Variants in SLC25A26 observed in about 807,000 individuals in gnomAD.
SLC25A26 encodes solute carrier family 25 member 26.
In SLC25A26, 36 loss-of-function variants were observed where a neutral mutation model predicts 37.8. That is an observed-to-expected ratio of 0.95 (90% CI 0.73 to 1.26). The LOEUF (loss-of-function observed/expected upper bound fraction) is 1.26, where lower values mean the gene tolerates loss of function less well. Among genes scored for constraint, SLC25A26 ranks in the 50% most tolerant of loss-of-function variants. The pLI, the probability that SLC25A26 is intolerant of heterozygous loss-of-function variation, is 0.00. For synonymous variants in SLC25A26, 129 were observed against 122.5 expected (o/e 1.05, Z -0.35); for missense variants, 390 against 331.1 (o/e 1.18, Z -1.38).
intron 6 of SLC25A26, among the ~76,000 whole-genome samples, chr3:66,352,749 C>T (rs1161190034): frequency 6.6e-6 from 1 of 151,778 alleles, no homozygotes; most frequent in Non-Finnish European, 1.5e-5. Context: ...AGCATTCATT[C>T]CAGCTCTTTC....
chr3:66,235,218 C>T (rs900672783), intron 1 of SLC25A26, among the ~76,000 whole-genome samples: 2 of 152,100 alleles, frequency 1.3e-5, no homozygotes, highest in Non-Finnish European at 2.9e-5. Flanking sequence ...TGATGCTCTT[C>T]GTGTTCATAT....
chr3:66,336,818 T>C (rs1236800869), intron 5 of SLC25A26, among the ~76,000 whole-genome samples: 2 of 152,286 alleles, frequency 1.3e-5, no homozygotes, highest in African/African-American at 2.4e-5. Flanking sequence ...GTGGAACATA[T>C]GTATATGTGT....
chr3:66,208,118 G>C (rs1041370688), intron 1 of SLC25A26, among the ~76,000 whole-genome samples: 1 of 152,062 alleles, frequency 6.6e-6, no homozygotes, highest in African/African-American at 2.4e-5. Context: ...TCACGTTTTG[G>C]AAACTTTTAT....
At chr3:66,305,125 A>G (rs1420424284) in intron 5 of SLC25A26, among the ~76,000 whole-genome samples, 9 of 152,144 alleles carry the variant, frequency 5.9e-5, no homozygotes, top group Non-Finnish European at 7.3e-5. Flanking sequence ...TCAAATAATA[A>G]TGTACACGCT....
At chr3:66,290,154 A>T (rs1337119869) in intron 5 of SLC25A26, among the ~76,000 whole-genome samples, 1 of 152,168 alleles carries the variant, frequency 6.6e-6, no homozygotes, top group Non-Finnish European at 1.5e-5. Flanking sequence ...TGATTTTTGC[A>T]CATTGGTTTT....
Position 66,188,353 on chromosome 3 carries a change from G to C in SLC25A26, c.-353-32389G>C, listed in dbSNP as rs2070870383. The stretch of plus-strand genomic sequence containing the variant: ...TTTTGAAATTTGATCCTCAGTGTTG[G>C]AGGTGGGGTCTAGTGTAGGTTGTTT... On this transcript the variant is annotated intron_variant, in intron 1 of 10. Coordinates refer to the SLC25A26 transcript ENST00000676754. Among the ~76,000 whole-genome samples, 7 of 152,278 alleles carry C rather than the reference G, an allele frequency of 4.6e-5. No individual in the cohort carries two copies. The South Asian group carries it at 1.5e-3, about 32-fold the overall frequency.
At chr3:66,222,972 C>G (rs1051125246) in intron 1 of SLC25A26, among the ~76,000 whole-genome samples, 8 of 152,114 alleles carry the variant, frequency 5.3e-5, no homozygotes, top group African/African-American at 1.7e-4. Flanking sequence ...AGATTTCATT[C>G]CAGGTAAAGG....
At chr3:66,216,231 A>C (rs2071359066), upstream of SLC25A26, among the ~76,000 whole-genome samples, 1 of 152,204 alleles carries the variant, frequency 6.6e-6, no homozygotes, top group South Asian at 2.1e-4. Flanking sequence ...AATAAAAATC[A>C]GTAACATGGA....
intron 5 of SLC25A26, among the ~76,000 whole-genome samples, chr3:66,287,156 C>T (rs2074541282): frequency 6.6e-6 from 1 of 151,988 alleles, no homozygotes; most frequent in African/African-American, 2.4e-5. Context: ...ATTAGCCAGG[C>T]GTGGTGGCAG....
At chr3:66,207,955 C>T (rs1000945815) in intron 1 of SLC25A26, among the ~76,000 whole-genome samples, 4 of 152,138 alleles carry the variant, frequency 2.6e-5, no homozygotes, top group African/African-American at 9.7e-5. Flanking sequence ...CCATTATACA[C>T]TAGAACAAAG....
chr3:66,323,572 G>A (rs1373625342), intron 5 of SLC25A26, among the ~76,000 whole-genome samples: 1 of 152,154 alleles, frequency 6.6e-6, no homozygotes, highest in Admixed American at 6.5e-5. Flanking sequence ...TTGAGAGGCC[G>A]AGGCAGGCGG....
At chr3:66,165,314 T>C (rs2070410856) in intron 1 of SLC25A26, among the ~76,000 whole-genome samples, 2 of 152,234 alleles carry the variant, frequency 1.3e-5, no homozygotes, top group African/African-American at 2.4e-5. Context: ...TGAGAAACTT[T>C]GAGCCTGAGC....
At chr3:66,166,269 G>C (rs2070424022) in intron 1 of SLC25A26, among the ~76,000 whole-genome samples, 1 of 152,168 alleles carries the variant, frequency 6.6e-6, no homozygotes, top group Non-Finnish European at 1.5e-5. Context: ...TCCCTTTATT[G>C]CTGTGTGCTA....
intron 1 of SLC25A26, among the ~76,000 whole-genome samples, chr3:66,135,348 C>G (rs948493042): frequency 9.9e-5 from 15 of 152,194 alleles, no homozygotes; most frequent in African/African-American, 3.1e-4. Flanking sequence ...ACGTTACATG[C>G]TCAAATCCTA....
chr3:66,300,208 C>T (rs960977620), intron 5 of SLC25A26, among the ~76,000 whole-genome samples: 5 of 150,168 alleles, frequency 3.3e-5, no homozygotes, highest in South Asian at 2.1e-4. Flanking sequence ...GCTTAAATCC[C>T]GTTACAGTGA....
At chr3:66,293,992 C>T (rs2074808173) in intron 5 of SLC25A26, among the ~76,000 whole-genome samples, 1 of 152,008 alleles carries the variant, frequency 6.6e-6, no homozygotes, top group Non-Finnish European at 1.5e-5. Context: ...ATTACCTTGG[C>T]TACCTGGGCT....
Position 66,242,756 on chromosome 3 carries a change from G to C in SLC25A26, c.191-447G>C, listed in dbSNP as rs117292349. On this transcript the variant is annotated intron_variant, in intron 2 of 9. Coordinates refer to ENST00000354883, the MANE Select transcript of SLC25A26 (RefSeq NM_001379210.1). ...TAAAAAATAGCCATGATTATTTTGA[G>C]TAACCAGTAATAAAACATTATAGAA... is the stretch of plus-strand genomic sequence containing the variant. Among the ~76,000 whole-genome samples, 364 of 152,236 alleles carry C rather than the reference G, an allele frequency of 2.4e-3. 19 individuals carry two copies. In the East Asian group the frequency reaches 0.063, roughly 26 times the overall value.
intron 5 of SLC25A26, among the ~76,000 whole-genome samples, chr3:66,284,974 A>G (rs1217623815): frequency 2.0e-5 from 3 of 152,190 alleles, no homozygotes; most frequent in Non-Finnish European, 4.4e-5. Context: ...TTGGAGTACA[A>G]ACATGGGTAG....
At chr3:66,335,203 T>G (rs1298888586) in intron 5 of SLC25A26, among the ~76,000 whole-genome samples, 1 of 152,220 alleles carries the variant, frequency 6.6e-6, no homozygotes, top group African/African-American at 2.4e-5. Context: ...AAGCATGGCT[T>G]TTCTTTAAAT....
Sources: gnomAD v4.1 joint callset for allele counts (sites outside exome capture counted in the v4.1 genomes callset) on GRCh38, gnomAD v4.1.1 for gene constraint, MANE v1.5 for transcripts, NCBI Gene and HGNC (gene_info 2026-07-23, HGNC 2026-07-21) for gene names.